The following SRBD1 variants were observed in gnomAD, a reference collection of about 807,000 sequenced individuals.
The protein encoded by SRBD1 is S1 RNA binding domain 1.
A neutral mutation model predicts 115.3 loss-of-function variants in SRBD1; 88 were observed. The observed-to-expected ratio is 0.76, with a 90% confidence interval of 0.64 to 0.91. The LOEUF is 0.91. Ranked by LOEUF, SRBD1 falls within the 40% of genes least tolerant of loss-of-function variation. The pLI, the probability that SRBD1 is intolerant of heterozygous loss-of-function variation, is 0.00. For missense variants in SRBD1, 1,385 were observed against 1,177.4 expected (o/e 1.18, Z -2.58); for synonymous variants, 509 against 407.7 (o/e 1.25, Z -2.99).
At chr2:45,525,857 G>T (rs1315242782) in intron 14 of SRBD1, among the ~76,000 whole-genome samples, 1 of 151,932 alleles carries the variant, frequency 6.6e-6, no homozygotes, top group Non-Finnish European at 1.5e-5. Flanking sequence ...TTGCCAATAA[G>T]CATATGAAGA....
At chr2:45,502,772 T>C (rs1670676168) in intron 14 of SRBD1, among the ~76,000 whole-genome samples, 1 of 151,792 alleles carries the variant, frequency 6.6e-6, no homozygotes, top group African/African-American at 2.4e-5. Flanking sequence ...GGCACGTGTA[T>C]ACATATGTAA....
intron 14 of SRBD1, 39 bp from the exon 15 acceptor site, chr2:45,488,370 T>G: frequency 6.4e-7 from 1 of 1,569,532 alleles, no homozygotes; most frequent in Non-Finnish European, 8.7e-7. Flanking sequence ...CTTTCCTAAC[T>G]TCCTGCCTGG....
chr2:45,529,138 G>C (rs1314302772), intron 14 of SRBD1, among the ~76,000 whole-genome samples: 1 of 151,814 alleles, frequency 6.6e-6, no homozygotes, highest in Admixed American at 6.6e-5. Flanking sequence ...ACTGTAGAGA[G>C]GATTTTAAAA....
intron 14 of SRBD1, among the ~76,000 whole-genome samples, chr2:45,494,420 T>G (rs150827360): frequency 3.3e-5 from 5 of 152,128 alleles, no homozygotes; most frequent in Admixed American, 3.3e-4. Flanking sequence ...AAAGTTATTG[T>G]GAACTTAAAT....
chr2:45,546,664 T>G, intron 14 of SRBD1, 68 bp downstream of exon 14: 1 of 1,431,544 alleles, frequency 7.0e-7, no homozygotes, highest in Non-Finnish European at 9.8e-7. Context: ...GAAGGGAGGA[T>G]TCATCACAAA....
At chr2:45,568,808 A>C (rs1348037397) in intron 9 of SRBD1, among the ~76,000 whole-genome samples, 1 of 152,262 alleles carries the variant, frequency 6.6e-6, no homozygotes, top group Non-Finnish European at 1.5e-5. Flanking sequence ...TACTTCTGCA[A>C]AAGGAATGTT....
At chr2:45,394,329 G>C (rs1377420470) in intron 19 of SRBD1, among the ~76,000 whole-genome samples, 1 of 152,100 alleles carries the variant, frequency 6.6e-6, no homozygotes, top group African/African-American at 2.4e-5. Context: ...GTGAATACTG[G>C]GCTGTAGCTT....
At chr2:45,398,189 A>G (rs907659071) in intron 19 of SRBD1, among the ~76,000 whole-genome samples, 1 of 152,182 alleles carries the variant, frequency 6.6e-6, no homozygotes, top group African/African-American at 2.4e-5. Flanking sequence ...TACTAAGATA[A>G]ACATTTTAAA....
chr2:45,546,183 G>A (rs1168166929), intron 14 of SRBD1: 5 of 985,440 alleles, frequency 5.1e-6, no homozygotes, highest in Non-Finnish European at 4.8e-6. Context: ...GCAGGGGCAA[G>A]ACTAGAGAAA....
intron 7 of SRBD1, among the ~76,000 whole-genome samples, chr2:45,576,096 C>T (rs887928167): frequency 6.6e-5 from 10 of 151,984 alleles, no homozygotes; most frequent in Admixed American, 5.3e-4. Context: ...TCTGCTTTTG[C>T]TATTCCTGAG....
chr2:45,466,090 G>T (rs569129005), intron 16 of SRBD1, among the ~76,000 whole-genome samples: 2 of 152,154 alleles, frequency 1.3e-5, no homozygotes, highest in South Asian at 4.1e-4. Context: ...GGCTTTTATT[G>T]CACTAGAAGA....
chr2:45,443,066 G>T (rs967756025), intron 16 of SRBD1, among the ~76,000 whole-genome samples: 3 of 152,188 alleles, frequency 2.0e-5, no homozygotes, highest in African/African-American at 7.2e-5. Context: ...ACAAGCTCTT[G>T]TAAGTCTCCA....
intron 5 of SRBD1, among the ~76,000 whole-genome samples, chr2:45,582,594 A>G (rs1553358959): frequency 6.6e-6 from 1 of 151,922 alleles, no homozygotes; most frequent in Non-Finnish European, 1.5e-5. Flanking sequence ...ATGGTTTTTT[A>G]TTTTACTTAG....
intron 14 of SRBD1, among the ~76,000 whole-genome samples, chr2:45,494,169 GATAA>G (rs1670386255): frequency 6.6e-6 from 1 of 152,070 alleles, no homozygotes; most frequent in African/African-American, 2.4e-5. Context: ...AAATATTTAT[GATAA>G]ATTATTAAGT....
intron 14 of SRBD1, among the ~76,000 whole-genome samples, chr2:45,545,389 A>G (rs1672085024): frequency 6.6e-6 from 1 of 151,830 alleles, no homozygotes; most frequent in Non-Finnish European, 1.5e-5. Flanking sequence ...CTAAAGTTCA[A>G]TAAAGGGATA....
At chr2:45,550,515 A>G (rs938583979) in intron 12 of SRBD1, among the ~76,000 whole-genome samples, 3 of 150,898 alleles carry the variant, frequency 2.0e-5, no homozygotes, top group Admixed American at 2.0e-4. Flanking sequence ...AAAGAATGAC[A>G]TCTTTAAAGT....
At chr2:45,399,941 C>T (rs1362139326) in intron 19 of SRBD1, among the ~76,000 whole-genome samples, 1 of 152,116 alleles carries the variant, frequency 6.6e-6, no homozygotes, top group Non-Finnish European at 1.5e-5. Context: ...TAAAAACATA[C>T]AGGCTCATGG....
chr2:45,574,745 G>T (rs748976755), intron 7 of SRBD1, 22 bp from the exon 8 acceptor site: 10 of 1,579,470 alleles, frequency 6.3e-6, no homozygotes, highest in Non-Finnish European at 6.9e-6. Flanking sequence ...GGGTAAAAAG[G>T]AAAACAAAAA....
At chr2:45,481,960 TG>T (rs1361662407) in intron 15 of SRBD1, among the ~76,000 whole-genome samples, 1 of 152,116 alleles carries the variant, frequency 6.6e-6, no homozygotes, top group African/African-American at 2.4e-5. Flanking sequence ...GTTTGGGTGG[TG>T]AGTGAAGACA....
Sources: gnomAD v4.1 joint callset for allele counts (sites outside exome capture counted in the v4.1 genomes callset) on GRCh38, gnomAD v4.1.1 for gene constraint, MANE v1.5 for transcripts, NCBI Gene and HGNC (gene_info 2026-07-23, HGNC 2026-07-21) for gene names.